Variants in ATP11B observed in about 807,000 individuals in gnomAD.
ATP11B encodes the protein phospholipid-transporting ATPase IF.
ATP11B carries 81 observed loss-of-function variants against 157.8 expected under a neutral mutation model. That is an observed-to-expected ratio of 0.51 (90% confidence interval 0.43 to 0.62). ATP11B has a LOEUF of 0.62. Among genes scored for constraint, ATP11B ranks in the 20% least tolerant of loss-of-function variants. ATP11B has a pLI of 0.00. For synonymous variants in ATP11B, 451 were observed against 469.4 expected, an observed-to-expected ratio of 0.96 and a Z score of 0.51; for missense variants, 1,165 against 1,402.2, an observed-to-expected ratio of 0.83 and a Z score of 2.70.
Position 182,874,798 on chromosome 3 carries a change from T to A in ATP11B, c.2252+783T>A, listed in dbSNP as rs1438452115. 3.3e-5 allele frequency among the ~76,000 whole-genome samples: 5 copies of A among 152,310 alleles called. No individual in the cohort carries two copies. The South Asian group carries it at 8.3e-4, about 25-fold the overall frequency. On this transcript the variant is annotated intron_variant, in intron 19 of 29. Coordinates refer to ENST00000323116, the MANE Select transcript of ATP11B (RefSeq NM_014616.3). ...CATTCTTCTCATTAGTAAACCTCTC[T>A]TATTTAAAAAATTATACTCAATGAT... is the stretch of plus-strand genomic sequence containing the variant.
At chr3:182,899,415 C>T (rs780307467) in intron 28 of ATP11B, among the ~76,000 whole-genome samples, 1 of 151,620 alleles carries the variant, frequency 6.6e-6, no homozygotes, top group Non-Finnish European at 1.5e-5. Flanking sequence ...CCTCCCGAAG[C>T]GCTGGGATTA....
At chr3:182,798,608 A>G (rs979535487) in intron 1 of ATP11B, among the ~76,000 whole-genome samples, 2 of 152,244 alleles carry the variant, frequency 1.3e-5, no homozygotes, top group Admixed American at 1.3e-4. Context: ...ACACTGAAGT[A>G]GGGACCTTGC....
intron 28 of ATP11B, among the ~76,000 whole-genome samples, chr3:182,905,349 A>G (rs557794784): frequency 5.3e-5 from 8 of 152,348 alleles, no homozygotes; most frequent in South Asian, 4.1e-4. Context: ...TTTGTTAACA[A>G]ATAGATCAGG....
chr3:182,882,518 GAGA>G (rs1722497680), intron 21 of ATP11B, among the ~76,000 whole-genome samples: 1 of 150,754 alleles, frequency 6.6e-6, no homozygotes, highest in Admixed American at 6.6e-5. Flanking sequence ...AAAAAAAAAA[GAGA>G]AGTTGAGTCT....
At chr3:182,832,175 C>T (rs1328549684) in intron 4 of ATP11B, among the ~76,000 whole-genome samples, 1 of 152,080 alleles carries the variant, frequency 6.6e-6, no homozygotes, top group African/African-American at 2.4e-5. Context: ...GACAATCAGT[C>T]TCCTTCCAAA....
intron 21 of ATP11B, among the ~76,000 whole-genome samples, chr3:182,881,806 T>TA (rs1405994192): frequency 1.3e-5 from 2 of 152,208 alleles, no homozygotes; most frequent in Non-Finnish European, 2.9e-5. Context: ...ATCTTACCGT[T>TA]ACTCAGTGTA....
intron 1 of ATP11B, among the ~76,000 whole-genome samples, chr3:182,804,518 C>T (rs1376220473): frequency 6.6e-5 from 10 of 152,160 alleles, no homozygotes; most frequent in Non-Finnish European, 8.8e-5. Flanking sequence ...CAGGTGTGAG[C>T]GACCGCACCT....
chr3:182,848,255 A>AC (rs766759963), intron 9 of ATP11B, among the ~76,000 whole-genome samples: 6 of 152,200 alleles, frequency 3.9e-5, no homozygotes, highest in Non-Finnish European at 7.3e-5. Context: ...CAACTCAGGA[A>AC]CAGGACTCCA....
intron 29 of ATP11B, chr3:182,916,921 T>A: frequency 1.0e-6 from 1 of 982,532 alleles, no homozygotes; most frequent in African/African-American, 1.7e-5. Context: ...TTTAAGAAAT[T>A]TTCATCTTCT....
intron 12 of ATP11B, among the ~76,000 whole-genome samples, chr3:182,862,499 C>G (rs1018251564): frequency 2.0e-5 from 3 of 152,122 alleles, no homozygotes; most frequent in Admixed American, 6.5e-5. Context: ...GTTCAGCCTA[C>G]TAGGGGAATA....
At chr3:182,813,056 T>C (rs910656600) in intron 1 of ATP11B, among the ~76,000 whole-genome samples, 2 of 152,250 alleles carry the variant, frequency 1.3e-5, no homozygotes, top group Non-Finnish European at 2.9e-5. Context: ...TTTCTTCCTT[T>C]TTAATGCTGT....
chr3:182,913,838 G>GT, intron 28 of ATP11B, 23 bp from the exon 29 acceptor site: 8 of 1,613,938 alleles, frequency 5.0e-6, no homozygotes, highest in Non-Finnish European at 6.8e-6. Context: ...AACAACTGAT[G>GT]TTTTCTGCTT....
At chr3:182,917,023 C>A in intron 29 of ATP11B, 15 of 985,306 alleles carry the variant, frequency 1.5e-5, no homozygotes, top group Non-Finnish European at 1.7e-5. Context: ...ACAAGTCCTT[C>A]CCTAACCTAA....
At chr3:182,877,308 C>G (rs1328940976) in intron 19 of ATP11B, among the ~76,000 whole-genome samples, 3 of 152,106 alleles carry the variant, frequency 2.0e-5, no homozygotes, top group Admixed American at 6.6e-5. Context: ...GTTCACTGGA[C>G]AGAGAGTGAC....
In ATP11B at chr3:182,918,256, AAAGCATTAGT is replaced by A; in HGVS notation, c.*154_*163del. On this transcript the variant is annotated 3_prime_UTR_variant, in exon 30 of 30. Coordinates refer to ENST00000323116, the MANE Select transcript of ATP11B (RefSeq NM_014616.3). ...CAGAGTTATAATGGCAAACAAACAG[AAAGCATTAGT>A]ACAAGCCCCTCCCAACACCCTTAAT... 8.8e-7 allele frequency: 1 copy of A among 1,130,434 alleles called. No homozygotes were observed. Among genetic ancestry groups the A allele is most frequent in the South Asian group, 1.9e-5 (1 of 53,442 alleles). 70.0% of individuals were successfully genotyped at this position (1,130,434 alleles called of 1,614,324 possible).
At chr3:182,917,143 C>G (rs1417591816) in intron 29 of ATP11B, 1 of 985,136 alleles carries the variant, frequency 1.0e-6, no homozygotes, top group African/African-American at 1.7e-5. Context: ...GAATTGGGGC[C>G]TTTTTTAACG....
chr3:182,874,452 G>C (rs1487138241), intron 19 of ATP11B, among the ~76,000 whole-genome samples: 2 of 152,112 alleles, frequency 1.3e-5, no homozygotes, highest in South Asian at 4.1e-4. Flanking sequence ...TTTTTTATTA[G>C]TATATGGCCA....
chr3:182,793,635 G>C lies in ATP11B; in HGVS notation c.-125G>C. 1 of 502,600 alleles carries C rather than the reference G, an allele frequency of 2.0e-6. No individual in the cohort carries two copies. The highest frequency in any genetic ancestry group is 3.2e-6 in the Non-Finnish European group (1 of 312,728). 31.1% of individuals were successfully genotyped at this position (502,600 alleles called of 1,614,324 possible). On this transcript the variant is annotated 5_prime_UTR_variant, in exon 1 of 30. Coordinates refer to ENST00000323116, the MANE Select transcript of ATP11B (RefSeq NM_014616.3). The stretch of plus-strand genomic sequence containing the variant: ...GCGGCGCGGGGAGTGAGGCAGTGGC[G>C]GCGGCGGCGGTAAGCGGAACTTCGG...
At chr3:182,913,220 T>C (rs6443836) in intron 28 of ATP11B, among the ~76,000 whole-genome samples, 3,095 of 152,344 alleles carry the variant, frequency 0.02, 102 homozygotes, top group African/African-American at 0.072. Context: ...GATGGGATGA[T>C]TGCCACTTAA....
Sources: allele counts gnomAD v4.1 joint callset (sites outside exome capture counted in the v4.1 genomes callset), GRCh38; gene constraint gnomAD v4.1.1; transcripts MANE v1.5; gene names NCBI Gene and HGNC (gene_info 2026-07-23, HGNC 2026-07-21).